ORC2: variants seen among roughly 807,000 people sequenced by gnomAD.
ORC2 encodes the protein origin recognition complex protein 2 homolog.
Under a neutral mutation model 77.7 loss-of-function variants are expected in ORC2, and 37 were observed. The ratio of observed to expected loss-of-function variants is 0.48; its 90% confidence interval spans 0.37 to 0.63. ORC2 has a LOEUF of 0.63. ORC2 is among the 20% of genes least tolerant of loss of function. ORC2 has a pLI of 0.00. For synonymous variants in ORC2, 201 were observed against 229.5 expected (o/e 0.88, Z 1.12); for missense variants, 557 against 661.9 (o/e 0.84, Z 1.74).
chr2:200,931,494 G>A (rs377499132), intron 10 of ORC2, 46 bp from the exon 11 acceptor site: 23 of 985,978 alleles, frequency 2.3e-5, no homozygotes, highest in Admixed American at 6.8e-5. Flanking sequence ...TCAAAGCACA[G>A]ACAGCAAATC....
intron 10 of ORC2, among the ~76,000 whole-genome samples, chr2:200,932,867 C>G (rs1386858301): frequency 2.0e-5 from 3 of 152,300 alleles, no homozygotes; most frequent in South Asian, 2.1e-4. Context: ...CCTAGATCAG[C>G]CAACTTCTGA....
At chr2:200,927,896 C>T (rs1456564022) in intron 11 of ORC2, among the ~76,000 whole-genome samples, 1 of 151,144 alleles carries the variant, frequency 6.6e-6, no homozygotes, top group Non-Finnish European at 1.5e-5. Flanking sequence ...GGGGTTTCAC[C>T]ATGTTGGTCT....
At chr2:200,956,239 T>C (rs977346201) in intron 4 of ORC2, among the ~76,000 whole-genome samples, 1 of 138,606 alleles carries the variant, frequency 7.2e-6, no homozygotes, top group South Asian at 2.1e-4. Context: ...CTAGTTTTAT[T>C]TTTTTTTTGA....
rs1318991413 is a variant in ORC2 at position 200,921,063 on chromosome 2, G to T, written c.1224C>A (p.Ile408=). 1.9e-6 allele frequency: 3 copies of T among 1,609,760 alleles called. No homozygotes were observed. Among genetic ancestry groups the T allele is most frequent in the Non-Finnish European group, 2.5e-6 (3 of 1,177,116 alleles). The part of the protein sequence containing the change: ...QMLRGEKSQQ[I]IGQLSSLHNI... Reference sequence around the variant, plus strand: ...TATGCAAAGATGACAACTGACCAATGATTTGCTGGCTCTTCTCTCCTCTCA... The same window carrying T: ...TATGCAAAGATGACAACTGACCAATTATTTGCTGGCTCTTCTCTCCTCTCA... The change falls in exon 14 of 18, where the codon ATC becomes ATA. Residue 408 remains isoleucine, a synonymous_variant. Coordinates refer to ENST00000234296, the MANE Select transcript of ORC2 (RefSeq NM_006190.5).
At chr2:200,934,493 G>GTTT (rs1553496781) in intron 9 of ORC2, among the ~76,000 whole-genome samples, 1 of 123,522 alleles carries the variant, frequency 8.1e-6, no homozygotes, top group Non-Finnish European at 1.8e-5. Flanking sequence ...TTTTTAAATT[G>GTTT]TTTTTTTTTT....
intron 5 of ORC2, among the ~76,000 whole-genome samples, chr2:200,944,869 GT>G (rs2041223899): frequency 6.6e-6 from 1 of 152,158 alleles, no homozygotes. Context: ...ATAACTTTGT[GT>G]TTAGTTATGA....
chr2:200,913,862 A>G, intron 16 of ORC2, 69 bp downstream of exon 16: 1 of 1,514,398 alleles, frequency 6.6e-7, no homozygotes, highest in Non-Finnish European at 8.8e-7. Flanking sequence ...CTGTCATTAA[A>G]TTCCAGAGAC....
chr2:200,927,737 G>A (rs1344343303), intron 11 of ORC2, among the ~76,000 whole-genome samples: 6 of 150,212 alleles, frequency 4.0e-5, no homozygotes, highest in East Asian at 2.0e-4. Context: ...TCGCTCTGTC[G>A]CCCAGGCTGG....
chr2:200,944,113 A>C (rs547008256), intron 5 of ORC2, among the ~76,000 whole-genome samples: 27 of 152,346 alleles, frequency 1.8e-4, no homozygotes, highest in African/African-American at 6.5e-4. Flanking sequence ...ATAACTATTA[A>C]ACTACAAAGG....
chr2:200,957,009 C>T (rs16836199), intron 4 of ORC2, among the ~76,000 whole-genome samples: 1,852 of 151,914 alleles, frequency 0.012, 32 homozygotes, highest in African/African-American at 0.043. Flanking sequence ...CCACAGCCTG[C>T]GGGTGGGTGG....
chr2:200,938,893 G>C (rs967920515), intron 7 of ORC2, among the ~76,000 whole-genome samples: 2 of 151,974 alleles, frequency 1.3e-5, no homozygotes, highest in African/African-American at 4.8e-5. Context: ...TACAAAATTA[G>C]CCGGGCGTGC....
intron 8 of ORC2, 108 bp downstream of exon 8, chr2:200,937,798 G>T: frequency 1.4e-6 from 1 of 721,922 alleles, no homozygotes; most frequent in Non-Finnish European, 2.4e-6. Context: ...AAAAGCCAAA[G>T]ATTCAAAACA....
intron 5 of ORC2, among the ~76,000 whole-genome samples, chr2:200,948,540 T>C (rs1442251568): frequency 6.6e-6 from 1 of 152,098 alleles, no homozygotes; most frequent in Admixed American, 6.5e-5. Context: ...TTTTTCCATA[T>C]ACAGGGTAAA....
intron 15 of ORC2, among the ~76,000 whole-genome samples, chr2:200,915,259 C>T (rs1211539891): frequency 4.0e-5 from 6 of 151,818 alleles, no homozygotes; most frequent in East Asian, 3.9e-4. Flanking sequence ...GTGATCCACC[C>T]GCCTCGGCCT....
rs556337222 is a variant in ORC2 at position 200,950,183 on chromosome 2, T to C, written c.239-540A>G. On this transcript the variant is annotated intron_variant, in intron 4 of 17. Transcript: ENST00000234296. ...CGTCTCTACTGAAAATACAAAAAATTAGCCGGGCATGGGGGCACATGCCTG... is the reference window on the plus strand; with the variant it reads ...CGTCTCTACTGAAAATACAAAAAATCAGCCGGGCATGGGGGCACATGCCTG... Among the ~76,000 whole-genome samples the C allele has an allele frequency of 9.2e-5, 14 of 152,084 alleles. No homozygotes were observed. In the South Asian group the frequency reaches 2.9e-3, roughly 32 times the overall value.
At chr2:200,921,996 G>A (rs2040770069) in intron 13 of ORC2, among the ~76,000 whole-genome samples, 1 of 151,880 alleles carries the variant, frequency 6.6e-6, no homozygotes, top group Non-Finnish European at 1.5e-5. Context: ...ATAGATTGGA[G>A]GTGAATCTGT....
chr2:200,925,352 G>A (rs1187510846), intron 13 of ORC2, among the ~76,000 whole-genome samples: 2 of 152,008 alleles, frequency 1.3e-5, no homozygotes, highest in Non-Finnish European at 2.9e-5. Flanking sequence ...AAGAAAGTGG[G>A]ACTAACATTT....
At chr2:200,919,881 A>G (rs2040726469) in intron 15 of ORC2, among the ~76,000 whole-genome samples, 1 of 152,208 alleles carries the variant, frequency 6.6e-6, no homozygotes, top group Non-Finnish European at 1.5e-5. Context: ...TAAAGTACTC[A>G]CTGTTTGGAT....
At chr2:200,923,188 G>A (rs958467473) in intron 13 of ORC2, among the ~76,000 whole-genome samples, 2 of 152,174 alleles carry the variant, frequency 1.3e-5, no homozygotes, top group Admixed American at 6.6e-5. Context: ...GAAATACAGG[G>A]TTAGGTTCAA....
Sources: gnomAD v4.1 joint callset for allele counts (sites outside exome capture counted in the v4.1 genomes callset) on GRCh38, gnomAD v4.1.1 for gene constraint, MANE v1.5 for transcripts, NCBI Gene and HGNC (gene_info 2026-07-23, HGNC 2026-07-21) for gene names.